The following SMG6 variants were observed in gnomAD, a reference collection of about 807,000 sequenced individuals.
The protein encoded by SMG6 is telomerase-binding protein EST1A.
SMG6 carries 66 observed loss-of-function variants against 142.2 expected under a neutral mutation model. That is an observed-to-expected ratio of 0.46 (90% CI 0.38 to 0.57). The LOEUF is 0.57. Among genes scored for constraint, SMG6 ranks in the 20% least tolerant of loss-of-function variants. The probability of loss-of-function intolerance (pLI) is 0.00; values close to 1 mark genes in which losing one functional copy is unlikely to be tolerated. For missense variants in SMG6, 1,793 were observed against 1,832.0 expected, an observed-to-expected ratio of 0.98 and a Z score of 0.39; for synonymous variants, 779 against 702.4, an observed-to-expected ratio of 1.11 and a Z score of -1.72.
chr17:2,115,423 G>A (rs938473379), intron 13 of SMG6, among the ~76,000 whole-genome samples: 5 of 152,204 alleles, frequency 3.3e-5, no homozygotes, highest in Admixed American at 1.3e-4. Context: ...GAGTCAATGT[G>A]AAAACAGGCA....
At chr17:2,247,620 T>TC (rs2073953385) in intron 8 of SMG6, among the ~76,000 whole-genome samples, 1 of 151,830 alleles carries the variant, frequency 6.6e-6, no homozygotes, top group Non-Finnish European at 1.5e-5. Flanking sequence ...AAACCCTGTC[T>TC]CTACTAAAAA....
intron 14 of SMG6, among the ~76,000 whole-genome samples, chr17:2,083,716 G>A (rs559787933): frequency 6.6e-6 from 1 of 152,350 alleles, no homozygotes; most frequent in Non-Finnish European, 1.5e-5. Flanking sequence ...GCCCATGGGG[G>A]AACACTGCCT....
At chr17:2,269,199 G>A (rs1191983925) in intron 8 of SMG6, among the ~76,000 whole-genome samples, 5 of 132,248 alleles carry the variant, frequency 3.8e-5, no homozygotes, top group African/African-American at 1.5e-4. Context: ...CAGCCTGGGC[G>A]ACAGAGCCAG....
At chr17:2,189,207 A>G (rs1238376724) in intron 10 of SMG6, among the ~76,000 whole-genome samples, 1 of 152,182 alleles carries the variant, frequency 6.6e-6, no homozygotes, top group East Asian at 1.9e-4. Context: ...TCCCAATCCC[A>G]GTACCCTCTT....
chr17:2,110,200 T>C (rs534393358), intron 13 of SMG6, among the ~76,000 whole-genome samples: 12 of 151,906 alleles, frequency 7.9e-5, no homozygotes, highest in African/African-American at 2.7e-4. Flanking sequence ...CAATGAGATA[T>C]GGTGGCATCT....
intron 13 of SMG6, among the ~76,000 whole-genome samples, chr17:2,101,836 C>T (rs9914577): frequency 0.31 from 46,651 of 151,890 alleles, 8,784 homozygotes; most frequent in African/African-American, 0.54. Flanking sequence ...GAAATGCAGC[C>T]AGTAACTGCA....
In SMG6 at chr17:2,298,901, C is replaced by A. The variant is rs202099432; in HGVS notation, c.1847+5G>T. On this transcript the variant is annotated splice_donor_5th_base_variant and intron_variant, in intron 2 of 18. Transcript: ENST00000263073. ...TCCCTCCAGCCAGAATAGACCACAT[C>A]ATACCTGAGTTGCGCCATCTTCTCC... The A allele has an allele frequency of 5.6e-6, 9 of 1,609,968 alleles. No individual in the cohort carries two copies. The highest frequency in any genetic ancestry group is 1.7e-6 in the Non-Finnish European group (2 of 1,177,876).
intron 13 of SMG6, among the ~76,000 whole-genome samples, chr17:2,090,737 C>T (rs532994419): frequency 1.3e-5 from 2 of 152,336 alleles, no homozygotes; most frequent in South Asian, 2.1e-4. Context: ...AACAATCACA[C>T]GGGTTTCCCC....
intron 13 of SMG6, among the ~76,000 whole-genome samples, chr17:2,119,722 C>A (rs371633211): frequency 3.9e-5 from 6 of 152,118 alleles, no homozygotes; most frequent in African/African-American, 1.2e-4. Context: ...AGTGCAGTGG[C>A]GTGATCTCGG....
Position 2,255,284 on chromosome 17 carries a change from G to A in SMG6, c.2662-10565C>T, listed in dbSNP as rs969382737. On this transcript the variant is annotated intron_variant, in intron 8 of 18. Transcript: ENST00000263073. ...CCGGGCGTGGTGGCGGGCGCCTGTA[G>A]TCCCAGCTACTCGGGAGGCTGAGGC... Among the ~76,000 whole-genome samples the A allele has an allele frequency of 2.4e-3, 365 of 149,948 alleles. 2 individuals are homozygous for A. Among genetic ancestry groups the A allele is most frequent in the African/African-American group, 8.5e-3 (347 of 40,870 alleles).
chr17:2,133,122 G>C (rs2070179370), intron 13 of SMG6, among the ~76,000 whole-genome samples: 1 of 152,088 alleles, frequency 6.6e-6, no homozygotes, highest in Non-Finnish European at 1.5e-5. Context: ...GCGCATGCCT[G>C]TAGTCCCAGA....
At chr17:2,119,141 T>C (rs2069602287) in intron 13 of SMG6, among the ~76,000 whole-genome samples, 1 of 151,322 alleles carries the variant, frequency 6.6e-6, no homozygotes. Flanking sequence ...TACTGCAACC[T>C]CCGTCTCCCG....
chr17:2,172,930 G>T, intron 12 of SMG6, 71 bp from the exon 13 acceptor site: 1 of 1,423,702 alleles, frequency 7.0e-7, no homozygotes, highest in Non-Finnish European at 9.8e-7. Context: ...CTCAGTATTT[G>T]TGAGCAGGGA....
At chr17:2,271,721 A>G (rs1176322274) in intron 8 of SMG6, among the ~76,000 whole-genome samples, 1 of 152,150 alleles carries the variant, frequency 6.6e-6, no homozygotes, top group Non-Finnish European at 1.5e-5. Flanking sequence ...TCTCAAAAAA[A>G]ATAAAAATAA....
At position 2,292,984 on chromosome 17, in the gene SMG6, G is replaced by C. The variant is rs1567755868; in HGVS notation, c.2152-7C>G. 6.2e-7 allele frequency: 1 copy of C among 1,601,398 alleles called. No homozygotes were observed. The highest frequency in any genetic ancestry group is 1.1e-5 in the South Asian group (1 of 90,808). On this transcript the variant is annotated splice_polypyrimidine_tract_variant and splice_region_variant and intron_variant, in intron 4 of 18. Coordinates refer to ENST00000263073, the MANE Select transcript of SMG6 (RefSeq NM_017575.5). Reference sequence around the variant, plus strand: ...TGATCAAGGCATATTTTACCTTCAGGAAAAACAACCAGTTAGTAGAAAAGC... The same window carrying C: ...TGATCAAGGCATATTTTACCTTCAGCAAAAACAACCAGTTAGTAGAAAAGC...
chr17:2,102,794 C>T (rs991305557), intron 13 of SMG6, among the ~76,000 whole-genome samples: 1 of 152,148 alleles, frequency 6.6e-6, no homozygotes, highest in Admixed American at 6.6e-5. Flanking sequence ...CTTTGACCAT[C>T]ATCTCCCCAT....
At chr17:2,254,647 T>C (rs2074123510) in intron 8 of SMG6, among the ~76,000 whole-genome samples, 1 of 152,134 alleles carries the variant, frequency 6.6e-6, no homozygotes, top group Non-Finnish European at 1.5e-5. Context: ...CAAACCCATC[T>C]TATAAATCAA....
chr17:2,139,248 G>T (rs1180114033), intron 13 of SMG6, among the ~76,000 whole-genome samples: 1 of 152,146 alleles, frequency 6.6e-6, no homozygotes, highest in Non-Finnish European at 1.5e-5. Flanking sequence ...AATGGGGTAG[G>T]TAAAATAAAT....
In SMG6 at chr17:2,292,608, T is replaced by C. The variant is rs778762854; in HGVS notation, c.2281A>G (p.Ile761Val). The change falls in exon 6 of 19, where the codon ATT becomes GTT. Residue 761 changes from isoleucine (I) to valine (V), a missense_variant. Coordinates refer to ENST00000263073, the MANE Select transcript of SMG6 (RefSeq NM_017575.5). ...TAGGGGCGCCCATTCTTGGGAGCAA[T>C]GTGCTGGGCCTTCAGGTACCAACTA... Reference protein sequence around the residue: ...ARSWYLKAQHIAPKNGRPYNQ... With the variant: ...ARSWYLKAQHVAPKNGRPYNQ... 8.1e-6 allele frequency: 13 copies of C among 1,613,100 alleles called. No homozygotes were observed. The highest frequency in any genetic ancestry group is 5.4e-5 in the African/African-American group (4 of 74,738).
Sources: gnomAD v4.1 joint callset for allele counts (sites outside exome capture counted in the v4.1 genomes callset) on GRCh38, gnomAD v4.1.1 for gene constraint, MANE v1.5 for transcripts, NCBI Gene and HGNC (gene_info 2026-07-23, HGNC 2026-07-21) for gene names.